Variants in SLC4A1AP observed in about 807,000 individuals in gnomAD.
SLC4A1AP encodes kanadaptin.
Under a neutral mutation model 89.7 loss-of-function variants are expected in SLC4A1AP, and 64 were observed. The observed-to-expected ratio is 0.71, with a 90% CI of 0.58 to 0.88. The LOEUF is 0.88. Ranked by LOEUF, SLC4A1AP falls within the 40% of genes least tolerant of loss-of-function variation. The pLI, the probability that SLC4A1AP is intolerant of heterozygous loss-of-function variation, is 0.00. For missense variants in SLC4A1AP, 931 were observed against 965.0 expected (o/e 0.96, Z 0.47); for synonymous variants, 366 against 353.3 (o/e 1.04, Z -0.40).
chr2:27,687,248 G>A (rs1033715746), intron 10 of SLC4A1AP, among the ~76,000 whole-genome samples: 3 of 152,022 alleles, frequency 2.0e-5, no homozygotes, highest in African/African-American at 7.3e-5. Context: ...TGTTGAACAT[G>A]TAGGTTATTT....
chr2:27,665,829 G>A (rs1016558130), intron 2 of SLC4A1AP, among the ~76,000 whole-genome samples: 1 of 152,190 alleles, frequency 6.6e-6, no homozygotes, highest in Non-Finnish European at 1.5e-5. Flanking sequence ...GTATAAAAAG[G>A]TAGAAGATGG....
chr2:27,688,140 C>T, intron 11 of SLC4A1AP, 120 bp downstream of exon 11: 1 of 715,452 alleles, frequency 1.4e-6, no homozygotes, highest in Middle Eastern at 3.2e-4. Context: ...GTTATGTTGC[C>T]ACTAGGCCCC....
intron 8 of SLC4A1AP, among the ~76,000 whole-genome samples, chr2:27,681,652 C>T (rs1278224123): frequency 1.3e-5 from 2 of 152,148 alleles, no homozygotes; most frequent in Non-Finnish European, 2.9e-5. Flanking sequence ...CTAATTTCTA[C>T]TATCTCTTCT....
At chr2:27,686,730 T>C (rs1675709458) in intron 10 of SLC4A1AP, among the ~76,000 whole-genome samples, 1 of 152,192 alleles carries the variant, frequency 6.6e-6, no homozygotes, top group African/African-American at 2.4e-5. Flanking sequence ...ATTGAGATCA[T>C]GCCACTGCTC....
chr2:27,665,443 A>G (rs995581097), intron 2 of SLC4A1AP, 148 bp downstream of exon 2: 4 of 553,030 alleles, frequency 7.2e-6, no homozygotes, highest in Non-Finnish European at 6.0e-6. Flanking sequence ...ACCAAAACCC[A>G]GAGAGATTCA....
chr2:27,677,598 T>C, intron 7 of SLC4A1AP, 140 bp from the exon 8 acceptor site: 1 of 722,848 alleles, frequency 1.4e-6, no homozygotes, highest in Non-Finnish European at 2.3e-6. Flanking sequence ...GTCTCATGGC[T>C]ATAACCTGTT....
At chr2:27,664,827 G>C (rs557948273) in intron 1 of SLC4A1AP, among the ~76,000 whole-genome samples, 1 of 152,114 alleles carries the variant, frequency 6.6e-6, no homozygotes, top group Non-Finnish European at 1.5e-5. Flanking sequence ...CAACACTTTG[G>C]GAGGCCCAGG....
At chr2:27,667,424 C>T (rs538920387) in intron 3 of SLC4A1AP, 34 bp downstream of exon 3, 35 of 1,596,574 alleles carry the variant, frequency 2.2e-5, no homozygotes, top group Non-Finnish European at 2.8e-5. Context: ...ACCACTAAAA[C>T]ATATCCAGAG....
At chr2:27,668,241 C>T (rs1013097837) in intron 3 of SLC4A1AP, among the ~76,000 whole-genome samples, 15 of 151,840 alleles carry the variant, frequency 9.9e-5, no homozygotes, top group East Asian at 5.8e-4. Flanking sequence ...CTCCGCCTTC[C>T]GGATTCACGC....
rs13404547 is a variant in SLC4A1AP, at chr2:27,675,449, T to C, written c.1346-83T>C. 3.9e-3 allele frequency: 3,664 copies of C among 945,846 alleles called. 95 individuals are homozygous for C. In the African/African-American group the frequency reaches 0.052, roughly 13 times the overall value. The allele number at this position is 945,846 out of a possible 1,614,324, so 58.6% of individuals were successfully genotyped here. On this transcript the variant is annotated intron_variant, in intron 5 of 13. Coordinates refer to ENST00000613058, the Ensembl canonical transcript of SLC4A1AP. ...CTCTTTCAGTAGTTGATGGTGACAT[T>C]TTAAGCTCCTTGCCTACTTGCCTTC...
intron 11 of SLC4A1AP, 97 bp from the exon 12 acceptor site, chr2:27,688,598 ATCTTT>A: frequency 1.3e-6 from 1 of 752,826 alleles, no homozygotes; most frequent in Non-Finnish European, 2.2e-6. Flanking sequence ...TGTCATGAGC[ATCTTT>A]TCTTCAATAA....
chr2:27,687,236 A>G (rs192231182), intron 10 of SLC4A1AP, among the ~76,000 whole-genome samples: 161 of 152,250 alleles, frequency 1.1e-3, no homozygotes, highest in Non-Finnish European at 1.7e-3. Context: ...TCAACTCTCA[A>G]TTGTTGAACA....
chr2:27,670,318 A>G lies in SLC4A1AP; in HGVS notation c.1345+931A>G, dbSNP rs541717052. ...TGGCCGTATCACGAATATTACATCA[A>G]TACATTAATATGTATCAATACATTA... is the stretch of plus-strand genomic sequence containing the variant. On this transcript the variant is annotated intron_variant, in intron 5 of 13. Transcript: ENST00000613058. Among the ~76,000 whole-genome samples, 19 of 151,674 alleles carry G rather than the reference A, an allele frequency of 1.3e-4. No individual in the cohort carries two copies. In the South Asian group the frequency reaches 3.3e-3, roughly 27 times the overall value.
chr2:27,675,421 C>A, intron 5 of SLC4A1AP, 111 bp from the exon 6 acceptor site: 1 of 646,740 alleles, frequency 1.5e-6, no homozygotes, highest in Non-Finnish European at 2.5e-6. Flanking sequence ...GCTTGTAGAA[C>A]CTCTCTTTCA....
exon 14 of SLC4A1AP, chr2:27,694,951 TAAAATA>T: frequency 3.1e-6 from 1 of 321,696 alleles, no homozygotes; most frequent in East Asian, 5.0e-5. Context: ...ATGATCCTAT[TAAAATA>T]AGAAGGCAAA....
intron 9 of SLC4A1AP, among the ~76,000 whole-genome samples, chr2:27,683,312 C>T (rs977577834): frequency 1.3e-5 from 2 of 152,126 alleles, no homozygotes; most frequent in African/African-American, 2.4e-5. Flanking sequence ...TTTCATTACC[C>T]CTAAGAGCTG....
chr2:27,686,299 A>G lies in SLC4A1AP; in HGVS notation c.2116+1022A>G, dbSNP rs571746073. 4.6e-5 allele frequency among the ~76,000 whole-genome samples: 7 copies of G among 152,300 alleles called. No individual in the cohort carries two copies. The South Asian group carries it at 1.0e-3, about 23-fold the overall frequency. ...TCTGTATCTGCATTTGTCCTTTTCA[A>G]AAAGGTACTTACATGAGCTTGGTCT... is the stretch of plus-strand genomic sequence containing the variant. On this transcript the variant is annotated intron_variant, in intron 10 of 13. Transcript: ENST00000613058.
At chr2:27,665,661 A>G (rs1675305798) in intron 2 of SLC4A1AP, among the ~76,000 whole-genome samples, 2 of 152,222 alleles carry the variant, frequency 1.3e-5, no homozygotes, top group Admixed American at 6.5e-5. Flanking sequence ...AATAAATGGG[A>G]TGTTATTCAA....
At chr2:27,687,344 A>G (rs1675718962) in intron 10 of SLC4A1AP, among the ~76,000 whole-genome samples, 1 of 152,080 alleles carries the variant, frequency 6.6e-6, no homozygotes, top group Non-Finnish European at 1.5e-5. Context: ...ACATTTTGGG[A>G]GGCCGAAGTA....
Sources: gnomAD v4.1 joint callset for allele counts (sites outside exome capture counted in the v4.1 genomes callset) on GRCh38, gnomAD v4.1.1 for gene constraint, MANE v1.5 for transcripts, NCBI Gene and HGNC (gene_info 2026-07-23, HGNC 2026-07-21) for gene names.